Variants in DNAH11 observed in about 807,000 individuals in gnomAD.
The protein encoded by DNAH11 is axonemal beta dynein heavy chain 11.
Under a neutral mutation model 526.0 loss-of-function variants are expected in DNAH11, and 442 were observed. The ratio of observed to expected loss-of-function variants is 0.84; its 90% CI spans 0.78 to 0.91. The LOEUF (loss-of-function observed/expected upper bound fraction) is 0.91. Among genes scored for constraint, DNAH11 ranks in the 40% least tolerant of loss-of-function variants. The probability of loss-of-function intolerance (pLI) is 0.00; values close to 1 mark genes in which losing one functional copy is unlikely to be tolerated. For synonymous variants in DNAH11, 2,461 were observed against 1,935.9 expected, an observed-to-expected ratio of 1.27 and a Z score of -7.12; for missense variants, 6,989 against 5,448.7, an observed-to-expected ratio of 1.28 and a Z score of -8.90.
At chr7:21,645,634 A>C (rs760610891) in intron 28 of DNAH11, among the ~76,000 whole-genome samples, 17 of 152,152 alleles carry the variant, frequency 1.1e-4, no homozygotes, top group Non-Finnish European at 2.1e-4. Context: ...TCTAAGGTGG[A>C]TTGGATAGAA....
At chr7:21,830,033 T>G (rs1311106542) in intron 65 of DNAH11, among the ~76,000 whole-genome samples, 1 of 152,196 alleles carries the variant, frequency 6.6e-6, no homozygotes, top group East Asian at 1.9e-4. Context: ...ACACTAATTT[T>G]TTGGCTGGGT....
At chr7:21,821,683 G>A (rs1323574585) in intron 65 of DNAH11, among the ~76,000 whole-genome samples, 6 of 152,066 alleles carry the variant, frequency 3.9e-5, no homozygotes, top group Admixed American at 1.3e-4. Flanking sequence ...TATCTACCAC[G>A]TCAAACACTT....
At chr7:21,832,449 T>C (rs182540626) in intron 65 of DNAH11, among the ~76,000 whole-genome samples, 11 of 152,320 alleles carry the variant, frequency 7.2e-5, no homozygotes, top group Admixed American at 6.5e-4. Context: ...GGCTTTCCAT[T>C]TGCTTGGTAA....
In DNAH11 at chr7:21,742,068, A is replaced by C. The variant is rs192367431; in HGVS notation, c.8056A>C (p.Thr2686Pro). 1 of 1,613,854 alleles carries C rather than the reference A, an allele frequency of 6.2e-7. No homozygotes were observed. The highest frequency in any genetic ancestry group is 8.5e-7 in the Non-Finnish European group (1 of 1,179,866). The stretch of plus-strand genomic sequence containing the variant: ...GAGTGGCCCCACTTTGATCCAGGCA[A>C]CAATAGCATTCCATCAGACAATGAT... ...LRSGPTLIQATIAFHQTMMCN... is the reference protein window; with the variant it reads ...LRSGPTLIQAPIAFHQTMMCN... The change falls in exon 49 of 82, where the codon ACA becomes CCA. Residue 2686 changes from threonine to proline, a missense_variant. By Grantham distance (38) the Thr-to-Pro change is conservative. Coordinates refer to ENST00000409508, the MANE Select transcript of DNAH11 (RefSeq NM_001277115.2).
At chr7:21,623,451 C>A (rs1247458095) in intron 25 of DNAH11, among the ~76,000 whole-genome samples, 2 of 152,212 alleles carry the variant, frequency 1.3e-5, no homozygotes, top group African/African-American at 2.4e-5. Context: ...TTGACCCAGG[C>A]ATCCCATTAC....
chr7:21,848,316 C>CA (rs1199386540), intron 66 of DNAH11, among the ~76,000 whole-genome samples: 10 of 149,322 alleles, frequency 6.7e-5, no homozygotes, highest in Non-Finnish European at 1.2e-4. Context: ...TTAGTGTTAG[C>CA]ATGGTATATC....
intron 72 of DNAH11, 61 bp from the exon 73 acceptor site, chr7:21,868,803 C>A: frequency 1.2e-6 from 2 of 1,603,544 alleles, no homozygotes; most frequent in Non-Finnish European, 1.7e-6. Context: ...CCACAGAATT[C>A]CAGGCTCCTC....
In DNAH11 at chr7:21,749,804, G is replaced by GATT. The variant is rs776544546; in HGVS notation, c.8797+5_8797+7dup. 1 of 1,613,686 alleles carries GATT rather than the reference G, an allele frequency of 6.2e-7. No homozygotes were observed. The highest frequency in any genetic ancestry group is 1.1e-5 in the South Asian group (1 of 90,960). On this transcript the variant is annotated splice_donor_region_variant and intron_variant, in intron 53 of 81. Transcript: ENST00000409508. ...GATTAATGACTTGCTGGCATCAGGT[G>GATT]ATTAAACCAACACATTTCTTGAAAG...
At chr7:21,626,097 T>G (rs1455462023) in intron 25 of DNAH11, among the ~76,000 whole-genome samples, 1 of 152,200 alleles carries the variant, frequency 6.6e-6, no homozygotes, top group Admixed American at 6.5e-5. Context: ...CTAGATCTTT[T>G]GAAATACACA....
At chr7:21,871,689 G>T (rs1562595618) in intron 73 of DNAH11, among the ~76,000 whole-genome samples, 3 of 152,172 alleles carry the variant, frequency 2.0e-5, no homozygotes, top group Admixed American at 6.5e-5. Context: ...AGCATGTAAA[G>T]GAGGGAACTT....
intron 62 of DNAH11, among the ~76,000 whole-genome samples, chr7:21,804,675 A>G (rs1386277276): frequency 6.6e-6 from 1 of 151,920 alleles, no homozygotes; most frequent in African/African-American, 2.4e-5. Flanking sequence ...TTCATTCCAA[A>G]TCCTAGCACT....
rs1464294096 is a variant in DNAH11, at chr7:21,786,663, A to G, written c.9637A>G (p.Ile3213Val). The change falls in exon 59 of 82, where the codon ATC becomes GTC. Residue 3213 changes from isoleucine (I) to valine (V), a missense_variant. Physicochemically the swap from Ile to Val is conservative, Grantham distance 29 (BLOSUM62 3). Transcript: ENST00000409508. Reference protein sequence around the residue: ...SELKAFPNPPIAVTNVTAAVM... With the variant: ...SELKAFPNPPVAVTNVTAAVM... The stretch of plus-strand genomic sequence containing the variant: ...GCTGAAAGCCTTTCCCAACCCTCCC[A>G]TCGCAGTTACCAATGTTACTGCAGC... The G allele has an allele frequency of 1.2e-6, 2 of 1,613,394 alleles. No homozygotes were observed. Among genetic ancestry groups the G allele is most frequent in the Admixed American group, 3.3e-5 (2 of 59,992 alleles).
intron 63 of DNAH11, among the ~76,000 whole-genome samples, chr7:21,812,092 C>CAGT (rs1789549903): frequency 6.6e-6 from 1 of 152,128 alleles, no homozygotes; most frequent in Non-Finnish European, 1.5e-5. Context: ...AAAGGAAATA[C>CAGT]AGTGCTTTAA....
chr7:21,824,951 A>C (rs1790211281), intron 65 of DNAH11, among the ~76,000 whole-genome samples: 2 of 152,078 alleles, frequency 1.3e-5, no homozygotes, highest in South Asian at 4.1e-4. Context: ...GGCTCATTGC[A>C]ACCTCCACCT....
chr7:21,753,389 T>A (rs780471744), intron 54 of DNAH11, among the ~76,000 whole-genome samples: 1 of 152,218 alleles, frequency 6.6e-6, no homozygotes, highest in Non-Finnish European at 1.5e-5. Flanking sequence ...ATTGCCTTTA[T>A]GAGTACAATT....
At chr7:21,607,287 G>A (rs62447778) in intron 20 of DNAH11, among the ~76,000 whole-genome samples, 1 of 152,094 alleles carries the variant, frequency 6.6e-6, no homozygotes, top group East Asian at 1.9e-4. Context: ...ACATTCCTCT[G>A]TCTGCTTTTA....
At chr7:21,860,857 C>T (rs769295006) in intron 68 of DNAH11, among the ~76,000 whole-genome samples, 1 of 152,168 alleles carries the variant, frequency 6.6e-6, no homozygotes, top group Admixed American at 6.5e-5. Context: ...GCGAAAGGCA[C>T]TTCTTACATG....
At chr7:21,713,274 C>T (rs930273122) in intron 42 of DNAH11, among the ~76,000 whole-genome samples, 2 of 152,206 alleles carry the variant, frequency 1.3e-5, no homozygotes, top group Admixed American at 1.3e-4. Flanking sequence ...CCTTCTCACC[C>T]TCTTCTGTGG....
At chr7:21,818,378 A>C in intron 65 of DNAH11, 39 bp downstream of exon 65, 1 of 1,585,124 alleles carries the variant, frequency 6.3e-7, no homozygotes, top group Non-Finnish European at 8.6e-7. Context: ...TATCTTGCTA[A>C]ATGATTTTCA....
Sources: gnomAD v4.1 joint callset for allele counts (sites outside exome capture counted in the v4.1 genomes callset) on GRCh38, gnomAD v4.1.1 for gene constraint, MANE v1.5 for transcripts, NCBI Gene and HGNC (gene_info 2026-07-23, HGNC 2026-07-21) for gene names.